ALPL: variants seen among roughly 807,000 people sequenced by gnomAD.
The protein encoded by ALPL is alkaline phosphatase, tissue-nonspecific isozyme.
A neutral mutation model predicts 51.3 loss-of-function variants in ALPL; 42 were observed. The observed-to-expected ratio is 0.82, with a 90% CI of 0.64 to 1.06. The LOEUF is 1.06. Ranked by LOEUF, ALPL falls within the 50% of genes least tolerant of loss-of-function variation. The pLI is 0.00. For missense variants in ALPL, 589 were observed against 709.4 expected, an observed-to-expected ratio of 0.83 and a Z score of 1.93; for synonymous variants, 279 against 296.4, an observed-to-expected ratio of 0.94 and a Z score of 0.60.
rs1177268633 is a variant in ALPL, at chr1:21,564,922, C to T, written c.648+706C>T. 6.6e-6 allele frequency among the ~76,000 whole-genome samples: 1 copy of T among 152,238 alleles called. No homozygotes were observed. Reference sequence around the variant, plus strand: ...AACACACTTCAACAAACTGAGCTGACTCATGGAGACAGAAGTCATCCATGT... The same window carrying T: ...AACACACTTCAACAAACTGAGCTGATTCATGGAGACAGAAGTCATCCATGT... On this transcript the variant is annotated intron_variant, in intron 6 of 11. Coordinates refer to ENST00000374840, the MANE Select transcript of ALPL (RefSeq NM_000478.6). The surrounding 1 kb of genome is among the most constrained non-coding windows in gnomAD (Gnocchi z 5.8).
intron 1 of ALPL, among the ~76,000 whole-genome samples, chr1:21,511,532 T>G (rs1643687482): frequency 6.6e-6 from 1 of 152,232 alleles, no homozygotes; most frequent in Non-Finnish European, 1.5e-5. Flanking sequence ...TTGGGTTATG[T>G]GCCTACCCTG....
intron 1 of ALPL, among the ~76,000 whole-genome samples, chr1:21,522,219 A>C (rs148061397): frequency 0.018 from 2,715 of 152,112 alleles, 37 homozygotes; most frequent in Non-Finnish European, 0.022. Context: ...CTACAGGCAC[A>C]CACCACCACG....
intron 1 of ALPL, among the ~76,000 whole-genome samples, chr1:21,511,418 A>G (rs1643684811): frequency 6.6e-6 from 1 of 152,246 alleles, no homozygotes; most frequent in South Asian, 2.1e-4. Flanking sequence ...AGGTCTAGAT[A>G]TGATGAATGC....
At chr1:21,537,275 C>T (rs1005117611) in intron 1 of ALPL, among the ~76,000 whole-genome samples, 9 of 152,146 alleles carry the variant, frequency 5.9e-5, no homozygotes, top group African/African-American at 1.2e-4. Flanking sequence ...AGGAAACAGC[C>T]CTTGAATATT....
Position 21,577,883 on chromosome 1 carries a change from A to T in ALPL, c.*235A>T. Reference sequence around the variant, plus strand: ...CCCTCCCCGCTGCCCTTTGGCCAACAGGGTAGATTTCTCTTGGGCAGGCAG... The same window carrying T: ...CCCTCCCCGCTGCCCTTTGGCCAACTGGGTAGATTTCTCTTGGGCAGGCAG... On this transcript the variant is annotated 3_prime_UTR_variant, in exon 12 of 12. Coordinates refer to ENST00000374840, the MANE Select transcript of ALPL (RefSeq NM_000478.6). 1 of 605,142 alleles carries T rather than the reference A, an allele frequency of 1.7e-6. No homozygotes were observed. The highest frequency in any genetic ancestry group is 2.9e-6 in the Non-Finnish European group (1 of 342,832). The allele number at this position is 605,142 out of a possible 1,614,324, so 37.5% of individuals were successfully genotyped here. A position where few individuals can be genotyped will look rare whatever the true frequency, so the allele number is the denominator to read the frequency against.
At chr1:21,576,369 A>G (rs1234670918) in intron 10 of ALPL, among the ~76,000 whole-genome samples, 153 bp from the exon 11 acceptor site, 3 of 151,938 alleles carry the variant, frequency 2.0e-5, no homozygotes, top group Non-Finnish European at 2.9e-5. Flanking sequence ...AGTTGGAAAT[A>G]ATAAGGTTTA....
rs572976775 is a variant in ALPL, at chr1:21,554,639, C to T, written c.61+497C>T. ...CCAAGTAGCTGGGACTACAGGTGCC[C>T]GCCACCGCGCCAGGCTAATTTTTTG... On this transcript the variant is annotated intron_variant, in intron 2 of 11. Coordinates refer to ENST00000374840, the MANE Select transcript of ALPL (RefSeq NM_000478.6). Among the ~76,000 whole-genome samples, 22 of 151,218 alleles carry T rather than the reference C, an allele frequency of 1.5e-4. No individual in the cohort carries two copies. In the South Asian group the frequency reaches 3.5e-3, roughly 24 times the overall value.
chr1:21,539,366 A>G (rs1172119085), intron 1 of ALPL, among the ~76,000 whole-genome samples: 1 of 152,252 alleles, frequency 6.6e-6, no homozygotes, highest in Non-Finnish European at 1.5e-5. Flanking sequence ...AATAAGGTCT[A>G]TGAAAAGGTT....
chr1:21,524,819 T>G (rs1256323), intron 1 of ALPL, among the ~76,000 whole-genome samples: 19,551 of 152,102 alleles, frequency 0.13, 1,452 homozygotes, highest in Non-Finnish European at 0.18. Context: ...AGTGCGGAGT[T>G]TATCTATCCC....
chr1:21,518,812 TGCCAGACTTGG>T (rs1643848629), intron 1 of ALPL, among the ~76,000 whole-genome samples: 1 of 152,156 alleles, frequency 6.6e-6, no homozygotes, highest in South Asian at 2.1e-4. Context: ...CTGACTGCTC[TGCCAGACTTGG>T]GCTAGAACTT....
intron 1 of ALPL, among the ~76,000 whole-genome samples, chr1:21,515,529 C>CTAA (rs1245364426): frequency 6.6e-6 from 1 of 152,190 alleles, no homozygotes; most frequent in African/African-American, 2.4e-5. Flanking sequence ...GCTGGGATTA[C>CTAA]AGGCACATGC....
chr1:21,518,924 C>T (rs146283852), intron 1 of ALPL, among the ~76,000 whole-genome samples: 63 of 152,326 alleles, frequency 4.1e-4, no homozygotes, highest in African/African-American at 1.5e-3. Context: ...GAGATGCTAA[C>T]ACACTGAAGC....
At chr1:21,512,237 T>A (rs1418835705) in intron 1 of ALPL, among the ~76,000 whole-genome samples, 9 of 152,160 alleles carry the variant, frequency 5.9e-5, no homozygotes, top group Admixed American at 5.9e-4. Context: ...TCTGGAGATG[T>A]CCTCACTTTC....
At chr1:21,570,274 CG>C in intron 7 of ALPL, 30 bp from the exon 8 acceptor site, 2 of 1,610,534 alleles carry the variant, frequency 1.2e-6, no homozygotes, top group Non-Finnish European at 8.5e-7. Flanking sequence ...CCCTAGCCCC[CG>C]GCATGTGCTG....
rs10917002 is a variant in ALPL, at chr1:21,509,847, C to T, written c.-105+330C>T. Among the ~76,000 whole-genome samples the T allele has an allele frequency of 0.18, 28,098 of 152,108 alleles. 3,224 individuals carry two copies. The highest frequency in any genetic ancestry group is 0.31 in the African/African-American group (12,901 of 41,488). ...ACCTCCCGAGCCGCTGCCTGGGACC[C>T]TGCGCTCTGTCTGGGCACCTGCCCT... On this transcript the variant is annotated intron_variant, in intron 1 of 11. Coordinates refer to ENST00000374840, the MANE Select transcript of ALPL (RefSeq NM_000478.6). This position sits in a 1 kb window ranked among gnomAD's most constrained non-coding sequence, Gnocchi z 6.0.
Position 21,576,512 on chromosome 1 carries a change from C to T in ALPL, c.1190-10C>T. On this transcript the variant is annotated splice_polypyrimidine_tract_variant and intron_variant, in intron 10 of 11. Coordinates refer to ENST00000374840, the MANE Select transcript of ALPL (RefSeq NM_000478.6). Reference sequence around the variant, plus strand: ...CCAGCATGACCCCTGAACACCCCCTCCCTGTGCAGGTCTGGCCCCCATGCT... The same window carrying T: ...CCAGCATGACCCCTGAACACCCCCTTCCTGTGCAGGTCTGGCCCCCATGCT... 4 of 1,613,768 alleles carry T rather than the reference C, an allele frequency of 2.5e-6. No individual in the cohort carries two copies. Among genetic ancestry groups the T allele is most frequent in the Non-Finnish European group, 3.4e-6 (4 of 1,179,794 alleles).
intron 1 of ALPL, among the ~76,000 whole-genome samples, chr1:21,526,782 A>G (rs1285721569): frequency 6.6e-6 from 1 of 152,116 alleles, no homozygotes; most frequent in African/African-American, 2.4e-5. Context: ...ACCATCCTAC[A>G]TTTTTATTTC....
At chr1:21,569,572 GA>G (rs16825584) in intron 7 of ALPL, among the ~76,000 whole-genome samples, 27,785 of 151,920 alleles carry the variant, frequency 0.18, 3,087 homozygotes, top group East Asian at 0.45. Flanking sequence ...CAGGGGCTGG[GA>G]GGGGGGGTGC....
rs79250591 is a variant in ALPL at position 21,577,599 on chromosome 1, G to A, written c.1526G>A (p.Gly509Asp). 1 of 1,600,994 alleles carries A rather than the reference G, an allele frequency of 6.2e-7. No homozygotes were observed. Among genetic ancestry groups the A allele is most frequent in the South Asian group, 1.1e-5 (1 of 90,998 alleles). The change falls in exon 12 of 12, where the codon GGC (glycine) becomes GAC (aspartate). Residue 509 changes from glycine (G) to aspartate (D), a missense_variant. Gly to Asp is a moderately conservative substitution (Grantham distance 94, BLOSUM62 -1). Transcript: ENST00000374840. ...AGCTCGGCAGGCAGCCTTGCTGCAG[G>A]CCCCCTGCTGCTCGCGCTGGCCCTC... Reference protein sequence around the residue: ...PASSAGSLAAGPLLLALALYP... With the variant: ...PASSAGSLAADPLLLALALYP...
Sources: allele counts gnomAD v4.1 joint callset (sites outside exome capture counted in the v4.1 genomes callset), GRCh38; gene constraint gnomAD v4.1.1; non-coding constraint Gnocchi (gnomAD v3.1); transcripts MANE v1.5; gene names NCBI Gene and HGNC (gene_info 2026-07-23, HGNC 2026-07-21).